The following FEN1 variants were observed in gnomAD, a reference collection of about 807,000 sequenced individuals.
The protein encoded by FEN1 is flap endonuclease 1.
A neutral mutation model predicts 24.7 loss-of-function variants in FEN1; 19 were observed. That is an observed-to-expected ratio of 0.77 (90% CI 0.54 to 1.13). The LOEUF (loss-of-function observed/expected upper bound fraction) is 1.13, where lower values mean the gene tolerates loss of function less well. Among genes scored for constraint, FEN1 ranks in the 50% most tolerant of loss-of-function variants. FEN1 has a pLI of 0.00. For synonymous variants in FEN1, 155 were observed against 189.2 expected (o/e 0.82, Z 1.48); for missense variants, 339 against 488.7 (o/e 0.69, Z 2.89).
Position 61,795,947 on chromosome 11 carries a change from G to A in FEN1, c.586G>A (p.Ala196Thr), listed in dbSNP as rs1293287618. The change falls in exon 2 of 2, where the codon GCC becomes ACC. Residue 196 changes from alanine to threonine, a missense_variant. This residue lies in a region of FEN1 where 216 missense variants were observed against 329.7 expected (regional missense o/e 0.66). Coordinates refer to ENST00000305885, the MANE Select transcript of FEN1 (RefSeq NM_004111.6). The surrounding 1 kb of genome is among the most constrained non-coding windows in gnomAD (Gnocchi z 4.1). Reference sequence around the variant, plus strand: ...CCCTGTGCTAATGCGACACCTGACTGCCAGTGAAGCCAAAAAGCTGCCAAT... The same window carrying A: ...CCCTGTGCTAATGCGACACCTGACTACCAGTGAAGCCAAAAAGCTGCCAAT... ...GSPVLMRHLT[A>T]SEAKKLPIQE... The A allele has an allele frequency of 1.9e-6, 3 of 1,613,992 alleles. No individual in the cohort carries two copies. The African/African-American group carries it at 4.0e-5, about 22-fold the overall frequency.
chr11:61,793,414 C>CA (rs1156448753), intron 1 of FEN1, among the ~76,000 whole-genome samples: 19 of 152,324 alleles, frequency 1.2e-4, no homozygotes, highest in African/African-American at 4.6e-4. Context: ...AAGGGTTGAA[C>CA]AGGCCTGGAG....
intron 1 of FEN1, among the ~76,000 whole-genome samples, chr11:61,793,718 G>C (rs1223612689): frequency 2.0e-5 from 3 of 152,172 alleles, no homozygotes; most frequent in African/African-American, 7.2e-5. Flanking sequence ...GGCGAGAGGA[G>C]GGCACAGCTA....
In FEN1 at chr11:61,795,668, C is replaced by T. The variant is rs1464197025; in HGVS notation, c.307C>T (p.Arg103Trp). The change falls in exon 2 of 2, where the codon CGG becomes TGG. Residue 103 changes from arginine (R) to tryptophan (W), a missense_variant. Arg to Trp is a moderately radical substitution (Grantham distance 101, BLOSUM62 -3). Transcript: ENST00000305885. This position sits in a 1 kb window ranked among gnomAD's most constrained non-coding sequence, Gnocchi z 4.1. ...KSGELAKRSERRAEAEKQLQQ... is the reference protein window; with the variant it reads ...KSGELAKRSEWRAEAEKQLQQ... ...AGGCGAGCTGGCCAAACGCAGTGAG[C>T]GGCGGGCTGAGGCAGAGAAGCAGCT... The T allele has an allele frequency of 2.5e-6, 4 of 1,613,896 alleles. No homozygotes were observed. The highest frequency in any genetic ancestry group is 1.3e-5 in the African/African-American group (1 of 75,070).
rs941470479 is a variant in FEN1 at position 61,795,258 on chromosome 11, A to C, written c.-21-83A>C. On this transcript the variant is annotated intron_variant, in intron 1 of 1. Coordinates refer to ENST00000305885, the MANE Select transcript of FEN1 (RefSeq NM_004111.6). The surrounding 1 kb of genome is among the most constrained non-coding windows in gnomAD (Gnocchi z 4.1). The stretch of plus-strand genomic sequence containing the variant: ...GTGTCCTTTTTGTTGTGTGGAATTT[A>C]GTTGAAGGCATGAAGTTGGTGAGAT... The C allele has an allele frequency of 6.9e-6, 8 of 1,154,936 alleles. No individual in the cohort carries two copies. Among genetic ancestry groups the C allele is most frequent in the African/African-American group, 3.1e-5 (2 of 64,442 alleles). The allele number at this position is 1,154,936 out of a possible 1,614,324, so 71.5% of individuals were successfully genotyped here.
chr11:61,794,280 G>A (rs1031415654), intron 1 of FEN1, among the ~76,000 whole-genome samples: 4 of 151,940 alleles, frequency 2.6e-5, no homozygotes, highest in Non-Finnish European at 5.9e-5. Context: ...GGGTTCAAGC[G>A]ATTCTCCTGC....
chr11:61,795,444 G>T lies in FEN1; in HGVS notation c.83G>T (p.Gly28Val). 1 of 1,614,150 alleles carries T rather than the reference G, an allele frequency of 6.2e-7. No homozygotes were observed. The highest frequency in any genetic ancestry group is 8.5e-7 in the Non-Finnish European group (1 of 1,180,032). Residue 28 changes from glycine (G) to valine (V), a missense_variant, in exon 2 of 2, where the codon GGC becomes GTC. This residue lies in a region of FEN1 where 216 missense variants were observed against 329.7 expected (regional missense o/e 0.66). Coordinates refer to ENST00000305885, the MANE Select transcript of FEN1 (RefSeq NM_004111.6). The surrounding 1 kb of genome is among the most constrained non-coding windows in gnomAD (Gnocchi z 4.1). ...GAGAATGACATCAAGAGCTACTTTG[G>T]CCGTAAGGTGGCCATTGATGCCTCT... is the stretch of plus-strand genomic sequence containing the variant. ...IRENDIKSYF[G>V]RKVAIDASMS... is the part of the protein sequence containing the mutation.
At chr11:61,794,156 C>T (rs1341271816) in intron 1 of FEN1, among the ~76,000 whole-genome samples, 2 of 152,156 alleles carry the variant, frequency 1.3e-5, no homozygotes, top group Non-Finnish European at 2.9e-5. Flanking sequence ...GTATTGGACA[C>T]ATACCAACAG....
Position 61,795,506 on chromosome 11 carries a change from G to T in FEN1, c.145G>T (p.Gly49Cys). ...IYQFLIAVRQ[G>C]GDVLQNEEGE... ...TCAGTTCCTGATTGCTGTTCGCCAGGGTGGGGATGTGCTGCAGAATGAGGA... is the reference window on the plus strand; with the variant it reads ...TCAGTTCCTGATTGCTGTTCGCCAGTGTGGGGATGTGCTGCAGAATGAGGA... The change falls in exon 2 of 2, where the codon GGT (glycine) becomes TGT (cysteine). Residue 49 changes from glycine to cysteine, a missense_variant. Transcript: ENST00000305885. This position sits in a 1 kb window ranked among gnomAD's most constrained non-coding sequence, Gnocchi z 4.1. 1 of 1,614,240 alleles carries T rather than the reference G, an allele frequency of 6.2e-7. No individual in the cohort carries two copies. The highest frequency in any genetic ancestry group is 1.1e-5 in the South Asian group (1 of 91,088).
chr11:61,796,334 G>T lies in FEN1; in HGVS notation c.973G>T (p.Val325Phe). ...QFSEERIRSG[V>F]KRLSKSRQGS... ...CTCTGAGGAGCGAATCCGCAGTGGG[G>T]TCAAGAGGCTGAGTAAGAGCCGCCA... Residue 325 changes from valine to phenylalanine, a missense_variant, in exon 2 of 2, where the codon GTC becomes TTC. Physicochemically the swap from Val to Phe is conservative, Grantham distance 50 (BLOSUM62 -1). Coordinates refer to ENST00000305885, the MANE Select transcript of FEN1 (RefSeq NM_004111.6). 1 of 1,613,432 alleles carries T rather than the reference G, an allele frequency of 6.2e-7. No individual in the cohort carries two copies. The highest frequency in any genetic ancestry group is 1.1e-5 in the South Asian group (1 of 91,034).
At position 61,796,579 on chromosome 11, in the gene FEN1, A is replaced by C; in HGVS notation, c.*75A>C. 1.4e-6 allele frequency: 2 copies of C among 1,436,094 alleles called. No homozygotes were observed. Among genetic ancestry groups the C allele is most frequent in the African/African-American group, 1.4e-5 (1 of 69,730 alleles). The allele number at this position is 1,436,094 out of a possible 1,614,324, so 89.0% of individuals were successfully genotyped here. A position where few individuals can be genotyped will look rare whatever the true frequency, so the allele number is the denominator to read the frequency against. ...TACCCTTAAGAGCTACAGCTAGAGAAACCTTCACGGGGTGGAGAGAGGATT... is the reference window on the plus strand; with the variant it reads ...TACCCTTAAGAGCTACAGCTAGAGACACCTTCACGGGGTGGAGAGAGGATT... On this transcript the variant is annotated 3_prime_UTR_variant, in exon 2 of 2. Transcript: ENST00000305885.
In FEN1 at chr11:61,796,827, G is replaced by T. The variant is rs4246215; in HGVS notation, c.*323G>T. ...AAGAGAGAGGGAGATAAAAGGGGGA[G>T]ACAAAAGATGTACAGAAATGATTTC... On this transcript the variant is annotated 3_prime_UTR_variant, in exon 2 of 2. Transcript: ENST00000305885. The T allele has an allele frequency of 0.32, 95,604 of 301,298 alleles. 18,410 individuals carry two copies. Among genetic ancestry groups the T allele is most frequent in the Admixed American group, 0.51 (10,432 of 20,348 alleles). The allele number at this position is 301,298 out of a possible 1,614,324, so 18.7% of individuals were successfully genotyped here.
In FEN1 at chr11:61,796,812, G is replaced by C. The variant is rs1013435154; in HGVS notation, c.*308G>C. ...CAACAAGTTTTGGAGAAGAGAGAGGGAGATAAAAGGGGGAGACAAAAGATG... is the reference window on the plus strand; with the variant it reads ...CAACAAGTTTTGGAGAAGAGAGAGGCAGATAAAAGGGGGAGACAAAAGATG... On this transcript the variant is annotated 3_prime_UTR_variant, in exon 2 of 2. Coordinates refer to ENST00000305885, the MANE Select transcript of FEN1 (RefSeq NM_004111.6). 14 of 344,892 alleles carry C rather than the reference G, an allele frequency of 4.1e-5. No individual in the cohort carries two copies. Among genetic ancestry groups the C allele is most frequent in the Non-Finnish European group, 7.9e-5 (14 of 177,742 alleles). 21.4% of individuals were successfully genotyped at this position (344,892 alleles called of 1,614,324 possible). A position where few individuals can be genotyped will look rare whatever the true frequency, so the allele number is the denominator to read the frequency against.
rs542489871 is a variant in FEN1, at chr11:61,792,949, G to C, written c.-101G>C. On this transcript the variant is annotated 5_prime_UTR_variant, in exon 1 of 2. Transcript: ENST00000305885. ...GCCACCCGCCGCTAAGCTGAGAAGGGAGAGCGAGCTTAGGACCGCCTGCCC... is the reference window on the plus strand; with the variant it reads ...GCCACCCGCCGCTAAGCTGAGAAGGCAGAGCGAGCTTAGGACCGCCTGCCC... 3.9e-6 allele frequency: 1 copy of C among 255,604 alleles called. No individual in the cohort carries two copies. The highest frequency in any genetic ancestry group is 7.9e-6 in the Non-Finnish European group (1 of 126,784). 15.8% of individuals were successfully genotyped at this position (255,604 alleles called of 1,614,324 possible).
chr11:61,794,338 A>G (rs970349020), intron 1 of FEN1, among the ~76,000 whole-genome samples: 3 of 149,500 alleles, frequency 2.0e-5, no homozygotes, highest in Admixed American at 6.7e-5. Context: ...CACCACACCC[A>G]GCTAATTTTT....
Position 61,795,917 on chromosome 11 carries a change from G to A in FEN1, c.556G>A (p.Gly186Ser), listed in dbSNP as rs755763272. 6.8e-6 allele frequency: 11 copies of A among 1,613,986 alleles called. No individual in the cohort carries two copies. Among genetic ancestry groups the A allele is most frequent in the South Asian group, 1.1e-5 (1 of 91,074 alleles). ...ATEDMDCLTF[G>S]SPVLMRHLTA... ...CGAGGACATGGACTGCCTCACCTTC[G>A]GCAGCCCTGTGCTAATGCGACACCT... The change falls in exon 2 of 2, where the codon GGC (glycine) becomes AGC (serine). Residue 186 changes from glycine to serine, a missense_variant. Around this residue, in one of 3 missense-constraint regions of FEN1, gnomAD observed 216 missense variants for 329.7 expected, o/e 0.66. Coordinates refer to ENST00000305885, the MANE Select transcript of FEN1 (RefSeq NM_004111.6). This position sits in a 1 kb window ranked among gnomAD's most constrained non-coding sequence, Gnocchi z 4.1.
chr11:61,795,660 G>A lies in FEN1; in HGVS notation c.299G>A (p.Arg100His). 2 of 1,614,012 alleles carry A rather than the reference G, an allele frequency of 1.2e-6. No individual in the cohort carries two copies. The highest frequency in any genetic ancestry group is 1.7e-6 in the Non-Finnish European group (2 of 1,180,032). Residue 100 changes from arginine to histidine, a missense_variant, in exon 2 of 2, where the codon CGC becomes CAC. Physicochemically the swap from Arg to His is conservative, Grantham distance 29. This residue lies in a region of FEN1 where 216 missense variants were observed against 329.7 expected (regional missense o/e 0.66). Transcript: ENST00000305885. The surrounding 1 kb of genome is among the most constrained non-coding windows in gnomAD (Gnocchi z 4.1). ...PQLKSGELAK[R>H]SERRAEAEKQ... is the part of the protein sequence containing the mutation. ...CTCAAGTCAGGCGAGCTGGCCAAAC[G>A]CAGTGAGCGGCGGGCTGAGGCAGAG...
Position 61,796,011 on chromosome 11 carries a change from G to A in FEN1, c.650G>A (p.Gly217Asp). 2 of 1,614,200 alleles carry A rather than the reference G, an allele frequency of 1.2e-6. No homozygotes were observed. Among genetic ancestry groups the A allele is most frequent in the South Asian group, 2.2e-5 (2 of 91,088 alleles). The change falls in exon 2 of 2, where the codon GGC becomes GAC. Residue 217 changes from glycine (G) to aspartate (D), a missense_variant. By Grantham distance (94) the Gly-to-Asp change is moderately conservative. Coordinates refer to ENST00000305885, the MANE Select transcript of FEN1 (RefSeq NM_004111.6). ...CTGAGCCGGATTCTGCAGGAGCTGG[G>A]CCTGAACCAGGAACAGTTTGTGGAT... ...FHLSRILQEL[G>D]LNQEQFVDLC...
chr11:61,794,449 T>C (rs547188586), intron 1 of FEN1, among the ~76,000 whole-genome samples: 25 of 152,266 alleles, frequency 1.6e-4, no homozygotes, highest in Non-Finnish European at 3.2e-4. Flanking sequence ...TTAATAGTTA[T>C]ACATTTAATA....
Position 61,795,822 on chromosome 11 carries a change from A to G in FEN1, c.461A>G (p.Asp154Gly). The change falls in exon 2 of 2, where the codon GAT becomes GGT. Residue 154 changes from aspartate (D) to glycine (G), a missense_variant. Asp to Gly is a moderately conservative substitution (Grantham distance 94). Around this residue, in one of 3 missense-constraint regions of FEN1, gnomAD observed 216 missense variants for 329.7 expected, o/e 0.66. Coordinates refer to ENST00000305885, the MANE Select transcript of FEN1 (RefSeq NM_004111.6). This position sits in a 1 kb window ranked among gnomAD's most constrained non-coding sequence, Gnocchi z 4.1. ...LLSLMGIPYL[D>G]APSEAEASCA... ...AGCCTCATGGGCATCCCTTATCTTG[A>G]TGCACCCAGTGAGGCAGAGGCCAGC... 1 of 1,613,990 alleles carries G rather than the reference A, an allele frequency of 6.2e-7. No homozygotes were observed. Among genetic ancestry groups the G allele is most frequent in the South Asian group, 1.1e-5 (1 of 91,086 alleles).
Sources: allele counts gnomAD v4.1 joint callset (sites outside exome capture counted in the v4.1 genomes callset), GRCh38; gene constraint gnomAD v4.1.1; regional missense constraint gnomAD v4.1.1; non-coding constraint Gnocchi (gnomAD v3.1); transcripts MANE v1.5; gene names NCBI Gene and HGNC (gene_info 2026-07-23, HGNC 2026-07-21).